NPLOC4: variants seen among roughly 807,000 people sequenced by gnomAD.
NPLOC4 encodes nuclear protein localization protein 4 homolog.
In NPLOC4, 18 loss-of-function variants were observed where a neutral mutation model predicts 80.6. The ratio of observed to expected loss-of-function variants is 0.22; its 90% CI spans 0.15 to 0.33. The LOEUF (loss-of-function observed/expected upper bound fraction) is 0.33. Among genes scored for constraint, NPLOC4 ranks in the 10% least tolerant of loss-of-function variants. The pLI, the probability that NPLOC4 is intolerant of heterozygous loss-of-function variation, is 1.00. For synonymous variants in NPLOC4, 313 were observed against 301.5 expected (o/e 1.04, Z -0.39); for missense variants, 540 against 786.1 (o/e 0.69, Z 3.74).
rs1410248231 is a variant in NPLOC4, at chr17:81,580,453, G to A, written c.1282-8365C>T. Among the ~76,000 whole-genome samples, 1 of 152,124 alleles carries A rather than the reference G, an allele frequency of 6.6e-6. No individual in the cohort carries two copies. Among genetic ancestry groups the A allele is most frequent in the African/African-American group, 2.4e-5 (1 of 41,424 alleles). On this transcript the variant is annotated intron_variant, in intron 12 of 16. Transcript: ENST00000331134. The surrounding 1 kb of genome is among the most constrained non-coding windows in gnomAD (Gnocchi z 4.4). ...GCCCCGGCACAGCCATCTCCCTTCAGCACCTTTCAGAAGCCCTCATCTCAC... is the reference window on the plus strand; with the variant it reads ...GCCCCGGCACAGCCATCTCCCTTCAACACCTTTCAGAAGCCCTCATCTCAC...
At chr17:81,601,579 C>T (rs965566296) in intron 8 of NPLOC4, among the ~76,000 whole-genome samples, 7 of 152,200 alleles carry the variant, frequency 4.6e-5, no homozygotes, top group Admixed American at 1.3e-4. Flanking sequence ...TTAATAGAAC[C>T]GTTGAGCTCT....
intron 8 of NPLOC4, among the ~76,000 whole-genome samples, chr17:81,602,695 C>G (rs2035090690): frequency 6.8e-6 from 1 of 147,834 alleles, no homozygotes; most frequent in Non-Finnish European, 1.5e-5. Context: ...GAGTAAAACT[C>G]CGTCTCAAAA....
intron 6 of NPLOC4, among the ~76,000 whole-genome samples, chr17:81,607,877 A>G (rs1175214415): frequency 1.3e-5 from 2 of 152,206 alleles, no homozygotes; most frequent in Non-Finnish European, 2.9e-5. Context: ...TCAGGCGAAT[A>G]TGACATCCTT....
chr17:81,629,210 T>TTGG (rs2035872143), intron 2 of NPLOC4, among the ~76,000 whole-genome samples: 1 of 150,008 alleles, frequency 6.7e-6, no homozygotes, highest in Non-Finnish European at 1.5e-5. Context: ...TTTTTTTTTT[T>TTGG]GAGATGGAGT....
At chr17:81,594,264 G>C in intron 11 of NPLOC4, among the ~76,000 whole-genome samples, 1 of 90,940 alleles carries the variant, frequency 1.1e-5, no homozygotes, top group African/African-American at 4.5e-5. Flanking sequence ...GAAAGAGCGA[G>C]ACTCCGTCTC....
chr17:81,630,394 C>G (rs1186676203), intron 1 of NPLOC4, among the ~76,000 whole-genome samples: 1 of 151,962 alleles, frequency 6.6e-6, no homozygotes, highest in Non-Finnish European at 1.5e-5. Flanking sequence ...TTCAAGTGAT[C>G]CTCTGACCTC....
intron 3 of NPLOC4, among the ~76,000 whole-genome samples, chr17:81,620,339 T>TA (rs1187409426): frequency 1.3e-5 from 2 of 151,286 alleles, no homozygotes. Flanking sequence ...CTACATAAAA[T>TA]AAAAAAATTA....
chr17:81,582,236 A>G (rs1352916942), intron 12 of NPLOC4, among the ~76,000 whole-genome samples: 1 of 152,166 alleles, frequency 6.6e-6, no homozygotes, highest in Non-Finnish European at 1.5e-5. Flanking sequence ...GAGGTAAGCG[A>G]GCTGTGGCAT....
rs71367067 is a variant in NPLOC4, at chr17:81,591,447, G to GAAAAAAA, written c.1121-2350_1121-2344dup. On this transcript the variant is annotated intron_variant, in intron 11 of 16. Coordinates refer to ENST00000331134, the MANE Select transcript of NPLOC4 (RefSeq NM_017921.4). ...AAGACTCCATCTCTGGAGTAAAACA[G>GAAAAAAA]AAAAAAAAAAAAAAAAAAAAAAAAA... 1.9e-3 allele frequency among the ~76,000 whole-genome samples: 144 copies of GAAAAAAA among 76,330 alleles called. 5 individuals carry two copies. The highest frequency in any genetic ancestry group is 0.011 in the Middle Eastern group (1 of 90). 50.1% of individuals were successfully genotyped at this position (76,330 alleles called of 152,430 possible). A position where few individuals can be genotyped will look rare whatever the true frequency, so the allele number is the denominator to read the frequency against.
At chr17:81,562,434 G>T (rs1318781122) in intron 16 of NPLOC4, 2 of 152,184 alleles carry the variant, frequency 1.3e-5, no homozygotes, top group Non-Finnish European at 2.9e-5. Context: ...AGCTACTTAG[G>T]AGGCAGAGGC....
chr17:81,598,822 T>G (rs2034989869), intron 9 of NPLOC4, among the ~76,000 whole-genome samples: 1 of 152,100 alleles, frequency 6.6e-6, no homozygotes, highest in African/African-American at 2.4e-5. Flanking sequence ...ACTCTTCCCA[T>G]CCACCCCCAG....
Position 81,559,363 on chromosome 17 carries a change from A to C in NPLOC4, c.1723T>G (p.Ser575Ala), listed in dbSNP as rs2033770155. 1.6e-5 allele frequency: 25 copies of C among 1,608,686 alleles called. No individual in the cohort carries two copies. Among genetic ancestry groups the C allele is most frequent in the Non-Finnish European group, 2.1e-5 (25 of 1,177,938 alleles). ...ATGGCTGCAGTGGCCGTGTGTGTGG[A>C]GCCCCCGACGGCGCCGTACTCATGG... is the stretch of plus-strand genomic sequence containing the variant. ...GLHEYGAVGG[S>A]THTATAAMWA... The change falls in exon 17 of 17, where the codon TCC (serine) becomes GCC (alanine). Residue 575 changes from serine (S) to alanine (A), a missense_variant. Ser to Ala is a moderately conservative substitution (Grantham distance 99). This residue lies in a region of NPLOC4 where 87 missense variants were observed against 70.3 expected (regional missense o/e 1.24). Coordinates refer to ENST00000331134, the MANE Select transcript of NPLOC4 (RefSeq NM_017921.4).
intron 11 of NPLOC4, 122 bp from the exon 12 acceptor site, chr17:81,589,226 G>C (rs1243462625): frequency 4.5e-6 from 4 of 879,982 alleles, no homozygotes; most frequent in Non-Finnish European, 6.8e-6. Context: ...TCGGGGGTAA[G>C]AGTTAAAAAA....
At chr17:81,621,760 A>G (rs1250670324) in intron 3 of NPLOC4, among the ~76,000 whole-genome samples, 1 of 152,188 alleles carries the variant, frequency 6.6e-6, no homozygotes, top group East Asian at 1.9e-4. Context: ...CTGAATGACC[A>G]ACTCTACAGG....
chr17:81,623,494 T>G (rs1598684499), intron 2 of NPLOC4, among the ~76,000 whole-genome samples: 1 of 131,564 alleles, frequency 7.6e-6, no homozygotes. Flanking sequence ...AGCAAAACTC[T>G]GTCTCAAAAA....
chr17:81,579,823 T>C (rs924881455), intron 12 of NPLOC4, among the ~76,000 whole-genome samples: 5 of 152,104 alleles, frequency 3.3e-5, no homozygotes, highest in African/African-American at 1.2e-4. Flanking sequence ...TTGCTCTCCC[T>C]GGCAGTGAAA....
chr17:81,608,677 A>G, intron 6 of NPLOC4, 51 bp downstream of exon 6: 1 of 1,367,830 alleles, frequency 7.3e-7, no homozygotes, highest in Non-Finnish European at 1.0e-6. Context: ...AACAACTGCC[A>G]GCTACACAAA....
chr17:81,574,691 C>A, intron 12 of NPLOC4, among the ~76,000 whole-genome samples: 1 of 152,140 alleles, frequency 6.6e-6, no homozygotes, highest in East Asian at 1.9e-4. Flanking sequence ...AAGAGAAATC[C>A]AGGGATCGAT....
rs1034366006 is a variant in NPLOC4 at position 81,558,168 on chromosome 17, C to T, written c.*1091G>A. ...CCACCACGTGCTGTTCCAGATCGCC[C>T]AGTCTCCCTCTATTGGTACACTATC... On this transcript the variant is annotated 3_prime_UTR_variant, in exon 17 of 17. Coordinates refer to ENST00000331134, the MANE Select transcript of NPLOC4 (RefSeq NM_017921.4). 8.5e-5 allele frequency: 13 copies of T among 152,458 alleles called. No individual in the cohort carries two copies. Among genetic ancestry groups the T allele is most frequent in the African/African-American group, 3.1e-4 (13 of 41,472 alleles). 9.4% of individuals were successfully genotyped at this position (152,458 alleles called of 1,614,324 possible). A position where few individuals can be genotyped will look rare whatever the true frequency, so the allele number is the denominator to read the frequency against.
Sources: gnomAD v4.1 joint callset for allele counts (sites outside exome capture counted in the v4.1 genomes callset) on GRCh38, gnomAD v4.1.1 for gene constraint, gnomAD v4.1.1 regional missense constraint, Gnocchi (gnomAD v3.1) non-coding constraint, MANE v1.5 for transcripts, NCBI Gene and HGNC (gene_info 2026-07-23, HGNC 2026-07-21) for gene names.